CSMD1: variants seen among roughly 807,000 people sequenced by gnomAD.
CSMD1 encodes the protein CUB and sushi domain-containing protein 1.
In CSMD1, 213 loss-of-function variants were observed where a neutral mutation model predicts 417.5. The observed-to-expected ratio is 0.51, with a 90% CI of 0.46 to 0.57. CSMD1 has a LOEUF of 0.57. Among genes scored for constraint, CSMD1 ranks in the 20% least tolerant of loss-of-function variants. The pLI is 0.00. For missense variants in CSMD1, 6,923 were observed against 4,529.7 expected (o/e 1.53, Z -15.17); for synonymous variants, 2,862 against 1,736.8 (o/e 1.65, Z -16.11).
chr8:4,927,217 G>A (rs11989036), intron 1 of CSMD1, among the ~76,000 whole-genome samples: 14 of 151,178 alleles, frequency 9.3e-5, no homozygotes, highest in Admixed American at 1.3e-4. Flanking sequence ...AGTGCTTTTT[G>A]GCTAATTTTT....
At chr8:4,719,886 A>G (rs1808939820) in intron 1 of CSMD1, among the ~76,000 whole-genome samples, 1 of 152,144 alleles carries the variant, frequency 6.6e-6, no homozygotes, top group African/African-American at 2.4e-5. Flanking sequence ...TGCAGGGCTC[A>G]CATATCTATA....
At chr8:3,860,933 T>A (rs967235628) in intron 5 of CSMD1, among the ~76,000 whole-genome samples, 3 of 152,214 alleles carry the variant, frequency 2.0e-5, no homozygotes, top group Non-Finnish European at 2.9e-5. Flanking sequence ...ATTTTTAAAA[T>A]ATATTTTCTA....
intron 51 of CSMD1, among the ~76,000 whole-genome samples, chr8:3,027,037 A>G (rs760187482): frequency 9.9e-5 from 15 of 152,208 alleles, no homozygotes; most frequent in Non-Finnish European, 1.9e-4. Context: ...ACACACTACG[A>G]CATCTAAGAC....
At chr8:4,617,017 T>C (rs1178845928) in intron 2 of CSMD1, among the ~76,000 whole-genome samples, 2 of 152,118 alleles carry the variant, frequency 1.3e-5, no homozygotes, top group African/African-American at 2.4e-5. Context: ...ATTTCTAACA[T>C]GTTTCTAAAA....
At chr8:4,982,840 C>T (rs1289901773) in intron 1 of CSMD1, among the ~76,000 whole-genome samples, 6 of 152,132 alleles carry the variant, frequency 3.9e-5, no homozygotes, top group Non-Finnish European at 7.3e-5. Flanking sequence ...ATGCCCCTTC[C>T]GTGTCTCTTG....
intron 23 of CSMD1, among the ~76,000 whole-genome samples, chr8:3,340,965 A>T (rs1057321858): frequency 1.3e-5 from 2 of 152,188 alleles, no homozygotes; most frequent in Admixed American, 1.3e-4. Context: ...TCTTTCTCCT[A>T]TTTATAGAAC....
intron 27 of CSMD1, among the ~76,000 whole-genome samples, chr8:3,226,146 G>T (rs1322451850): frequency 2.0e-5 from 3 of 152,296 alleles, no homozygotes; most frequent in African/African-American, 7.2e-5. Context: ...TTTATGTCAG[G>T]ATGCTCTGTT....
chr8:4,495,815 A>G (rs997816741), intron 2 of CSMD1, among the ~76,000 whole-genome samples: 2 of 152,202 alleles, frequency 1.3e-5, no homozygotes, highest in African/African-American at 4.8e-5. Flanking sequence ...AACATTTGTC[A>G]TAGCCTCTTT....
At chr8:3,328,126 C>G (rs1195046295) in intron 23 of CSMD1, among the ~76,000 whole-genome samples, 1 of 152,172 alleles carries the variant, frequency 6.6e-6, no homozygotes, top group Non-Finnish European at 1.5e-5. Flanking sequence ...TATTGTGATT[C>G]AATGTCAAAA....
intron 5 of CSMD1, among the ~76,000 whole-genome samples, chr8:3,985,467 T>C (rs1563285811): frequency 6.6e-6 from 1 of 152,142 alleles, no homozygotes; most frequent in Non-Finnish European, 1.5e-5. Flanking sequence ...TCACACATTT[T>C]AGAACATAAT....
intron 5 of CSMD1, among the ~76,000 whole-genome samples, chr8:3,996,441 A>C (rs928974946): frequency 2.8e-5 from 2 of 70,266 alleles, no homozygotes; most frequent in Admixed American, 3.4e-4. Context: ...ATTCATTTTT[A>C]AGATTTTTTT....
At chr8:3,521,865 G>A (rs577382390) in intron 10 of CSMD1, among the ~76,000 whole-genome samples, 13 of 152,150 alleles carry the variant, frequency 8.5e-5, no homozygotes, top group African/African-American at 1.9e-4. Flanking sequence ...TTCTAATACC[G>A]CGGAACAGTT....
Position 4,230,633 on chromosome 8 carries a change from G to A in CSMD1, c.415+189320C>T, listed in dbSNP as rs201925264. ...AAGATGTTTTTAAACCCCCAAATTT[G>A]TGACTACCAAGTAGCTCATAATTTT... On this transcript the variant is annotated intron_variant, in intron 3 of 69. Transcript: ENST00000635120. 2.0e-5 allele frequency among the ~76,000 whole-genome samples: 3 copies of A among 152,102 alleles called. No individual in the cohort carries two copies. The East Asian group carries it at 5.8e-4, about 29-fold the overall frequency.
In CSMD1 at chr8:3,284,296, A is replaced by C; in HGVS notation, c.4001T>G (p.Val1334Gly). Reference protein sequence around the residue: ...DTEMAHDILKVWDGPVDSDIL... With the variant: ...DTEMAHDILKGWDGPVDSDIL... ...GTCACTGTCCACCGGCCCGTCCCAG[A>C]CCTTGAGGATGTCGTGAGCCATCTC... Residue 1334 changes from valine to glycine, a missense_variant, in exon 26 of 70, where the codon GTC becomes GGC. Coordinates refer to ENST00000635120, the MANE Select transcript of CSMD1 (RefSeq NM_033225.6). 6.2e-7 allele frequency: 1 copy of C among 1,613,890 alleles called. No individual in the cohort carries two copies.
chr8:4,451,990 A>G (rs1799175094), intron 2 of CSMD1, among the ~76,000 whole-genome samples: 1 of 149,710 alleles, frequency 6.7e-6, no homozygotes, highest in Non-Finnish European at 1.5e-5. Flanking sequence ...ATATAGTTTG[A>G]TATATATATA....
chr8:3,383,004 G>A (rs114066409), intron 18 of CSMD1, among the ~76,000 whole-genome samples: 144 of 152,286 alleles, frequency 9.5e-4, no homozygotes, highest in African/African-American at 3.4e-3. Flanking sequence ...GCCGAACAAT[G>A]AGAGGAGAAA....
intron 1 of CSMD1, among the ~76,000 whole-genome samples, chr8:4,902,511 A>C (rs1270332820): frequency 1.3e-5 from 2 of 152,190 alleles, no homozygotes; most frequent in African/African-American, 4.8e-5. Context: ...TTGCAAAGCA[A>C]ATGTCAACTT....
chr8:3,799,359 T>C (rs900852957), intron 5 of CSMD1, among the ~76,000 whole-genome samples: 3 of 150,370 alleles, frequency 2.0e-5, no homozygotes, highest in Admixed American at 1.3e-4. Context: ...AACTCGTCAA[T>C]TGCATTAGGT....
chr8:4,231,554 G>A (rs929224191), intron 3 of CSMD1, among the ~76,000 whole-genome samples: 3 of 152,040 alleles, frequency 2.0e-5, no homozygotes, highest in East Asian at 3.9e-4. Flanking sequence ...GCTAAGCAAT[G>A]ACAACAGTTT....
Sources: gnomAD v4.1 joint callset for allele counts (sites outside exome capture counted in the v4.1 genomes callset) on GRCh38, gnomAD v4.1.1 for gene constraint, MANE v1.5 for transcripts, NCBI Gene and HGNC (gene_info 2026-07-23, HGNC 2026-07-21) for gene names.